Variants in SLC35F4 observed in about 807,000 individuals in gnomAD.
SLC35F4 encodes the protein chromosome 14 open reading frame 36.
Under a neutral mutation model 44.2 loss-of-function variants are expected in SLC35F4, and 24 were observed. The ratio of observed to expected loss-of-function variants is 0.54; its 90% CI spans 0.39 to 0.76. The LOEUF (loss-of-function observed/expected upper bound fraction) is 0.76. Ranked by LOEUF, SLC35F4 falls within the 30% of genes least tolerant of loss-of-function variation. SLC35F4 has a pLI of 0.00. For missense variants in SLC35F4, 562 were observed against 586.1 expected (o/e 0.96, Z 0.42); for synonymous variants, 238 against 223.6 (o/e 1.06, Z -0.57).
chr14:57,606,705 T>A (rs556797637), intron 1 of SLC35F4, among the ~76,000 whole-genome samples: 1 of 152,186 alleles, frequency 6.6e-6, no homozygotes, highest in South Asian at 2.1e-4. Context: ...AAATACTCCT[T>A]TATGGACTGT....
chr14:57,892,050 A>AT (rs1486160657), intron 1 of SLC35F4, among the ~76,000 whole-genome samples: 1 of 152,216 alleles, frequency 6.6e-6, no homozygotes, highest in Admixed American at 6.5e-5. Context: ...AAAAATAAGA[A>AT]TATGGGAATC....
intron 1 of SLC35F4, among the ~76,000 whole-genome samples, chr14:57,765,364 G>A (rs1286155469): frequency 6.6e-6 from 1 of 152,220 alleles, no homozygotes; most frequent in African/African-American, 2.4e-5. Flanking sequence ...GCAAGATAAA[G>A]ATCCCCTCTC....
intron 2 of SLC35F4, 114 bp downstream of exon 2, chr14:57,593,825 C>T (rs1168627366): frequency 8.7e-7 from 1 of 1,152,092 alleles, no homozygotes; most frequent in Non-Finnish European, 1.2e-6. Flanking sequence ...AGCTTCCCCA[C>T]ATGTACTCAT....
chr14:57,647,251 G>A (rs1196573580), intron 1 of SLC35F4, among the ~76,000 whole-genome samples: 1 of 151,598 alleles, frequency 6.6e-6, no homozygotes, highest in Non-Finnish European at 1.5e-5. Flanking sequence ...TATTGTGTGG[G>A]AGTCTAAGTC....
In SLC35F4 at chr14:57,818,904, T is replaced by A. The variant is rs1194337029; in HGVS notation, c.103+46819A>T. ...TGCCAATAACCTGATAAAGAGACTTTACCAAAAACTTAATGGCAAGCATCA... is the reference window on the plus strand; with the variant it reads ...TGCCAATAACCTGATAAAGAGACTTAACCAAAAACTTAATGGCAAGCATCA... On this transcript the variant is annotated intron_variant, in intron 1 of 7. Coordinates refer to ENST00000556826, the MANE Select transcript of SLC35F4 (RefSeq NM_001306087.2). Among the ~76,000 whole-genome samples the A allele has an allele frequency of 2.0e-5, 3 of 152,326 alleles. No individual in the cohort carries two copies. The East Asian group carries it at 5.8e-4, about 29-fold the overall frequency.
At position 57,681,848 on chromosome 14, in the gene SLC35F4, A is replaced by G. The variant is rs553744185; in HGVS notation, c.104-87724T>C. On this transcript the variant is annotated intron_variant, in intron 1 of 7. Coordinates refer to ENST00000556826, the MANE Select transcript of SLC35F4 (RefSeq NM_001306087.2). Reference sequence around the variant, plus strand: ...AAGTGGGCAAAGGATATGAACAGACACTTCTCAAAAGAAGACATTTATGTG... The same window carrying G: ...AAGTGGGCAAAGGATATGAACAGACGCTTCTCAAAAGAAGACATTTATGTG... Among the ~76,000 whole-genome samples, 312 of 152,288 alleles carry G rather than the reference A, an allele frequency of 2.0e-3. 5 individuals carry two copies. Among genetic ancestry groups the G allele is most frequent in the African/African-American group, 7.2e-3 (298 of 41,524 alleles).
chr14:57,950,637 T>C (rs553064185), intron 1 of SLC35F4, among the ~76,000 whole-genome samples: 2 of 151,786 alleles, frequency 1.3e-5, no homozygotes, highest in South Asian at 4.2e-4. Flanking sequence ...TCCAGCCCAT[T>C]GTCATTTGCA....
chr14:57,675,570 G>A (rs1461332416), intron 1 of SLC35F4, among the ~76,000 whole-genome samples: 1 of 152,000 alleles, frequency 6.6e-6, no homozygotes, highest in African/African-American at 2.4e-5. Flanking sequence ...AGTGGTGAAA[G>A]TGGGCATCCT....
intron 1 of SLC35F4, among the ~76,000 whole-genome samples, chr14:57,799,161 GA>G (rs2078125990): frequency 6.6e-6 from 1 of 152,180 alleles, no homozygotes; most frequent in African/African-American, 2.4e-5. Flanking sequence ...AAAGAACAAA[GA>G]AAAGCAGGGA....
intron 1 of SLC35F4, among the ~76,000 whole-genome samples, chr14:57,877,741 A>G (rs1888431896): frequency 8.2e-6 from 1 of 122,518 alleles, no homozygotes; most frequent in Non-Finnish European, 1.6e-5. Flanking sequence ...GCTGGAGTGC[A>G]GTGGCAGATC....
chr14:57,937,592 AAAGAAAAG>A (rs1889828297), intron 1 of SLC35F4, among the ~76,000 whole-genome samples: 1 of 15,260 alleles, frequency 6.6e-5, no homozygotes, highest in Admixed American at 4.9e-4. Context: ...AAAAGAAAGA[AAAGAAAAG>A]AAAAGAAAAG....
At chr14:57,866,389 G>C (rs1306166127), upstream of SLC35F4, among the ~76,000 whole-genome samples, 1 of 152,068 alleles carries the variant, frequency 6.6e-6, no homozygotes, top group Non-Finnish European at 1.5e-5. Context: ...CCCGGGACTC[G>C]GTCCACGCTT....
At chr14:57,769,612 T>A (rs1319653927) in intron 1 of SLC35F4, among the ~76,000 whole-genome samples, 1 of 152,188 alleles carries the variant, frequency 6.6e-6, no homozygotes, top group Non-Finnish European at 1.5e-5. Context: ...TTATCATCTC[T>A]GAAGAGAGGC....
At chr14:57,584,128 C>A (rs920124947) in intron 3 of SLC35F4, among the ~76,000 whole-genome samples, 3 of 152,080 alleles carry the variant, frequency 2.0e-5, no homozygotes, top group Non-Finnish European at 2.9e-5. Flanking sequence ...TAAGATTTTT[C>A]CCCTAAGAAA....
At chr14:57,936,730 G>A (rs938688475) in intron 1 of SLC35F4, among the ~76,000 whole-genome samples, 4 of 152,234 alleles carry the variant, frequency 2.6e-5, no homozygotes, top group African/African-American at 9.6e-5. Flanking sequence ...GTATTGGGAA[G>A]TCTTCTGGAC....
At chr14:57,863,035 T>G (rs952695523) in intron 1 of SLC35F4, among the ~76,000 whole-genome samples, 5 of 150,758 alleles carry the variant, frequency 3.3e-5, no homozygotes, top group African/African-American at 1.2e-4. Context: ...TTAAAAAAAA[T>G]GTTTAAATAA....
chr14:57,771,895 G>C (rs1950994), intron 1 of SLC35F4, among the ~76,000 whole-genome samples: 88,194 of 152,084 alleles, frequency 0.58, 27,654 homozygotes, highest in African/African-American at 0.82. Context: ...TGCCTGGTCT[G>C]AATACTTTTT....
At chr14:57,749,201 T>C (rs1444069397) in intron 1 of SLC35F4, among the ~76,000 whole-genome samples, 1 of 152,194 alleles carries the variant, frequency 6.6e-6, no homozygotes. Flanking sequence ...TTTTTTGTGA[T>C]TGAAATTTTA....
upstream of SLC35F4, among the ~76,000 whole-genome samples, chr14:57,867,972 T>C (rs1011661645): frequency 6.6e-6 from 1 of 152,176 alleles, no homozygotes; most frequent in African/African-American, 2.4e-5. Context: ...TATCTTGCCA[T>C]AATTAATGTA....
Sources: gnomAD v4.1 joint callset for allele counts (sites outside exome capture counted in the v4.1 genomes callset) on GRCh38, gnomAD v4.1.1 for gene constraint, MANE v1.5 for transcripts, NCBI Gene and HGNC (gene_info 2026-07-23, HGNC 2026-07-21) for gene names.